The following DNAJC5 variants were observed in gnomAD, a reference collection of about 807,000 sequenced individuals.
DNAJC5 encodes DnaJ heat shock protein family (Hsp40) member C5, also known as dnaJ homolog subfamily C member 5.
DNAJC5 carries 1 observed loss-of-function variant against 23.2 expected under a neutral mutation model. That is an observed-to-expected ratio of 0.04 (90% CI 0.02 to 0.20). DNAJC5 has a LOEUF of 0.20. Among genes scored for constraint, DNAJC5 ranks in the 10% least tolerant of loss-of-function variants. The pLI is 1.00. For missense variants in DNAJC5, 180 were observed against 267.0 expected, an observed-to-expected ratio of 0.67 and a Z score of 2.27; for synonymous variants, 136 against 120.0, an observed-to-expected ratio of 1.13 and a Z score of -0.87.
rs1216551942 is a variant in DNAJC5 at position 63,933,701 on chromosome 20, G to A, written c.*2133G>A. 1 of 152,348 alleles carries A rather than the reference G, an allele frequency of 6.6e-6. No homozygotes were observed. Among genetic ancestry groups the A allele is most frequent in the Admixed American group, 6.5e-5 (1 of 15,276 alleles). The allele number at this position is 152,348 out of a possible 1,614,324, so 9.4% of individuals were successfully genotyped here. On this transcript the variant is annotated 3_prime_UTR_variant, in exon 5 of 5. Coordinates refer to ENST00000360864, the MANE Select transcript of DNAJC5 (RefSeq NM_025219.3). ...TTGCAATTTTTGTAGATGTAGCTTA[G>A]GACGTGAGTTATTTTTCCGCAGACT... is the stretch of plus-strand genomic sequence containing the variant.
intron 1 of DNAJC5, among the ~76,000 whole-genome samples, chr20:63,917,500 A>C (rs1256910651): frequency 1.3e-5 from 2 of 151,802 alleles, no homozygotes; most frequent in African/African-American, 4.8e-5. Context: ...TGACATGCCC[A>C]CCTTGGCCTC....
chr20:63,896,683 C>T (rs185987272), intron 1 of DNAJC5, among the ~76,000 whole-genome samples: 161 of 152,296 alleles, frequency 1.1e-3, no homozygotes, highest in Admixed American at 7.6e-3. Flanking sequence ...TTCCCTTCCT[C>T]GCTTAATTTT....
At chr20:63,926,906 T>C (rs817361) in intron 1 of DNAJC5, among the ~76,000 whole-genome samples, 39,374 of 152,122 alleles carry the variant, frequency 0.26, 6,965 homozygotes, top group East Asian at 0.58. Flanking sequence ...TTAACCGTCA[T>C]GTACACTGTA....
At chr20:63,916,922 T>C (rs2053518969) in intron 1 of DNAJC5, among the ~76,000 whole-genome samples, 1 of 152,246 alleles carries the variant, frequency 6.6e-6, no homozygotes, top group South Asian at 2.1e-4. Flanking sequence ...TCAGACCTTA[T>C]GGTTGTCTTC....
intron 1 of DNAJC5, among the ~76,000 whole-genome samples, chr20:63,907,583 G>C (rs966658545): frequency 6.6e-6 from 1 of 152,104 alleles, no homozygotes; most frequent in African/African-American, 2.4e-5. Context: ...GACCAGGCCC[G>C]TCTCACAGGC....
chr20:63,909,565 C>T (rs768145693), intron 1 of DNAJC5, among the ~76,000 whole-genome samples: 3 of 152,062 alleles, frequency 2.0e-5, no homozygotes, highest in Non-Finnish European at 2.9e-5. Context: ...GCCGTAGTCC[C>T]AGCTACTCTG....
chr20:63,899,691 T>C (rs537059179), intron 1 of DNAJC5, among the ~76,000 whole-genome samples: 191 of 150,624 alleles, frequency 1.3e-3, no homozygotes, highest in African/African-American at 4.4e-3. Flanking sequence ...AAGTGATTCT[T>C]CTGCCTCAGC....
At chr20:63,911,089 G>A (rs1017686567) in intron 1 of DNAJC5, among the ~76,000 whole-genome samples, 4 of 152,122 alleles carry the variant, frequency 2.6e-5, no homozygotes, top group African/African-American at 9.7e-5. Context: ...TCTTTATTAG[G>A]TTTCCAGACC....
In DNAJC5 at chr20:63,920,015, G is replaced by A. The variant is rs2053554172; in HGVS notation, c.-11-8320G>A. ...TGCCCAGGGCCCGGGACAGCGCCAC[G>A]GAAGAGGACGCACCCGGCTGTGTGG... On this transcript the variant is annotated intron_variant, in intron 1 of 4. Coordinates refer to ENST00000360864, the MANE Select transcript of DNAJC5 (RefSeq NM_025219.3). This position sits in a 1 kb window ranked among gnomAD's most constrained non-coding sequence, Gnocchi z 4.6. 2 of 386,620 alleles carry A rather than the reference G, an allele frequency of 5.2e-6. No individual in the cohort carries two copies. The highest frequency in any genetic ancestry group is 5.8e-5 in the African/African-American group (2 of 34,778). 23.9% of individuals were successfully genotyped at this position (386,620 alleles called of 1,614,324 possible).
At chr20:63,895,877 A>C (rs2053372099) in intron 1 of DNAJC5, among the ~76,000 whole-genome samples, 1 of 152,226 alleles carries the variant, frequency 6.6e-6, no homozygotes, top group Non-Finnish European at 1.5e-5. Context: ...CTTTATAAAA[A>C]CATTTGAAGC....
At chr20:63,904,137 C>T (rs1011672664) in intron 1 of DNAJC5, among the ~76,000 whole-genome samples, 2 of 152,028 alleles carry the variant, frequency 1.3e-5, no homozygotes, top group Admixed American at 6.6e-5. Flanking sequence ...ACAAGGTTGC[C>T]GAATATGCAT....
chr20:63,926,063 C>T (rs754343822), intron 1 of DNAJC5, among the ~76,000 whole-genome samples: 15 of 152,206 alleles, frequency 9.9e-5, no homozygotes, highest in Admixed American at 3.9e-4. Flanking sequence ...CTCCTGATCT[C>T]GTGATCTGCC....
In DNAJC5 at chr20:63,931,300, C is replaced by T. The variant is rs953933722; in HGVS notation, c.494-165C>T. Reference sequence around the variant, plus strand: ...GGCGGGGCTGAGGGCCGAGGGCTGGCGGTGACCCAAGGCGACGGAGGAAAG... The same window carrying T: ...GGCGGGGCTGAGGGCCGAGGGCTGGTGGTGACCCAAGGCGACGGAGGAAAG... On this transcript the variant is annotated intron_variant, in intron 4 of 4. Coordinates refer to ENST00000360864, the MANE Select transcript of DNAJC5 (RefSeq NM_025219.3). The surrounding 1 kb of genome is among the most constrained non-coding windows in gnomAD (Gnocchi z 9.6). The T allele has an allele frequency of 2.2e-5, 18 of 817,604 alleles. No homozygotes were observed. The highest frequency in any genetic ancestry group is 2.7e-5 in the East Asian group (1 of 37,502). The allele number at this position is 817,604 out of a possible 1,614,324, so 50.6% of individuals were successfully genotyped here.
intron 1 of DNAJC5, among the ~76,000 whole-genome samples, chr20:63,911,292 A>G (rs1241384909): frequency 6.6e-6 from 1 of 152,116 alleles, no homozygotes; most frequent in African/African-American, 2.4e-5. Context: ...GGTGGCAGCT[A>G]TGGGTTGAGG....
At chr20:63,907,772 TTTTG>T (rs1295730039) in intron 1 of DNAJC5, among the ~76,000 whole-genome samples, 15 of 152,304 alleles carry the variant, frequency 9.8e-5, no homozygotes, top group African/African-American at 3.4e-4. Flanking sequence ...TTTAGGGGTT[TTTTG>T]TTTGTTTTGA....
chr20:63,912,427 G>T (rs2053488207), intron 1 of DNAJC5, among the ~76,000 whole-genome samples: 2 of 151,898 alleles, frequency 1.3e-5, no homozygotes, highest in Admixed American at 1.3e-4. Flanking sequence ...GAGTTAATTG[G>T]GTTTTTTTTG....
chr20:63,928,721 C>T lies in DNAJC5; in HGVS notation c.107+269C>T, dbSNP rs1454122007. Among the ~76,000 whole-genome samples, 1 of 152,210 alleles carries T rather than the reference C, an allele frequency of 6.6e-6. No individual in the cohort carries two copies. The highest frequency in any genetic ancestry group is 2.4e-5 in the African/African-American group (1 of 41,456). On this transcript the variant is annotated intron_variant, in intron 2 of 4. Coordinates refer to ENST00000360864, the MANE Select transcript of DNAJC5 (RefSeq NM_025219.3). This position sits in a 1 kb window ranked among gnomAD's most constrained non-coding sequence, Gnocchi z 4.6. Reference sequence around the variant, plus strand: ...TTCCATAGGGAGTCAGGGTCTGAACCTGTTTGAGGCCTCACAGGAGCCGCA... The same window carrying T: ...TTCCATAGGGAGTCAGGGTCTGAACTTGTTTGAGGCCTCACAGGAGCCGCA...
intron 1 of DNAJC5, among the ~76,000 whole-genome samples, chr20:63,895,578 G>C (rs2053369168): frequency 6.6e-6 from 1 of 151,184 alleles, no homozygotes; most frequent in Non-Finnish European, 1.5e-5. Flanking sequence ...GAGCACCGTG[G>C]TGGGGGCTGG....
intron 1 of DNAJC5, among the ~76,000 whole-genome samples, chr20:63,901,184 C>A (rs1055380742): frequency 6.6e-6 from 1 of 152,206 alleles, no homozygotes; most frequent in Admixed American, 6.5e-5. Flanking sequence ...AGGCTGGTCT[C>A]AAACTCCTGA....
Sources: allele counts gnomAD v4.1 joint callset (sites outside exome capture counted in the v4.1 genomes callset), GRCh38; gene constraint gnomAD v4.1.1; non-coding constraint Gnocchi (gnomAD v3.1); transcripts MANE v1.5; gene names NCBI Gene and HGNC (gene_info 2026-07-23, HGNC 2026-07-21).